Variants in PSME4 observed in about 807,000 individuals in gnomAD.
PSME4 encodes proteasome activator complex subunit 4.
A neutral mutation model predicts 253.9 loss-of-function variants in PSME4; 89 were observed. The observed-to-expected ratio is 0.35, with a 90% confidence interval of 0.30 to 0.42. The LOEUF is 0.42. PSME4 is among the 10% of genes least tolerant of loss of function. The pLI is 1.00. For synonymous variants in PSME4, 851 were observed against 759.2 expected (o/e 1.12, Z -1.99); for missense variants, 2,014 against 2,195.2 (o/e 0.92, Z 1.65).
At position 53,948,410 on chromosome 2, in the gene PSME4, G is replaced by A. The variant is rs2104475748; in HGVS notation, c.500+11C>T. On this transcript the variant is annotated intron_variant, in intron 3 of 46. Transcript: ENST00000404125. ...TACTCCCAAATAAGTGCTTTAAATG[G>A]AAATACTTACTTAGGAAACCAATTT... 1 of 1,547,806 alleles carries A rather than the reference G, an allele frequency of 6.5e-7. No homozygotes were observed. The highest frequency in any genetic ancestry group is 1.7e-5 in the Admixed American group (1 of 59,454).
chr2:53,944,913 T>G (rs1205836523), intron 3 of PSME4, among the ~76,000 whole-genome samples: 2 of 151,940 alleles, frequency 1.3e-5, no homozygotes, highest in African/African-American at 2.4e-5. Flanking sequence ...CAGATTAATA[T>G]GAAAAAAATG....
intron 10 of PSME4, among the ~76,000 whole-genome samples, chr2:53,929,370 C>T (rs1430810114): frequency 6.6e-6 from 1 of 152,140 alleles, no homozygotes; most frequent in East Asian, 1.9e-4. Context: ...CAGCTCACTG[C>T]AGCCTCCACA....
chr2:53,911,214 A>G (rs1253633089), intron 20 of PSME4, among the ~76,000 whole-genome samples: 1 of 152,188 alleles, frequency 6.6e-6, no homozygotes, highest in Non-Finnish European at 1.5e-5. Context: ...GGATAGCAAC[A>G]ATACCTTCTC....
chr2:53,956,339 G>A (rs1403011217), intron 1 of PSME4, among the ~76,000 whole-genome samples: 1 of 151,578 alleles, frequency 6.6e-6, no homozygotes. Context: ...GACCAGCCTC[G>A]TCAACACGGT....
At chr2:53,927,584 T>C in intron 11 of PSME4, 101 bp from the exon 12 acceptor site, 2 of 867,362 alleles carry the variant, frequency 2.3e-6, no homozygotes, top group Non-Finnish European at 3.8e-6. Flanking sequence ...ATTATCTTGA[T>C]CAAAATCCCA....
chr2:53,925,227 C>G (rs1456731710), intron 14 of PSME4, among the ~76,000 whole-genome samples: 1 of 152,150 alleles, frequency 6.6e-6, no homozygotes, highest in Non-Finnish European at 1.5e-5. Context: ...TTAAGTGGAG[C>G]TGGATATAAG....
intron 11 of PSME4, 81 bp from the exon 12 acceptor site, chr2:53,927,564 A>C (rs1322859165): frequency 1.0e-6 from 1 of 976,912 alleles, no homozygotes; most frequent in African/African-American, 1.6e-5. Context: ...ACAATAAATT[A>C]CCCCAATAAA....
At chr2:53,951,087 T>C (rs1669966450) in intron 1 of PSME4, among the ~76,000 whole-genome samples, 1 of 150,992 alleles carries the variant, frequency 6.6e-6, no homozygotes, top group South Asian at 2.1e-4. Context: ...ATTTAACTTC[T>C]TTTTTTTCCC....
chr2:53,888,678 A>T, intron 38 of PSME4, 43 bp downstream of exon 38: 1 of 1,383,764 alleles, frequency 7.2e-7, no homozygotes, highest in Non-Finnish European at 1.0e-6. Context: ...AGTTAACACA[A>T]AACCTTTCGT....
At chr2:53,920,815 A>C (rs940844110) in intron 18 of PSME4, 74 bp downstream of exon 18, 2 of 1,273,446 alleles carry the variant, frequency 1.6e-6, no homozygotes, top group African/African-American at 3.0e-5. Context: ...ATATGCAAGA[A>C]AAAATAACAC....
At chr2:53,867,649 G>A (rs993847066) in intron 44 of PSME4, among the ~76,000 whole-genome samples, 4 of 139,008 alleles carry the variant, frequency 2.9e-5, no homozygotes, top group East Asian at 4.1e-4. Context: ...CAAGGAGGGC[G>A]ATAGAGGAAG....
Position 53,874,450 on chromosome 2 carries a change from G to A in PSME4, c.4989C>T (p.Thr1663=), listed in dbSNP as rs765767817. The A allele has an allele frequency of 1.2e-6, 2 of 1,614,004 alleles. No homozygotes were observed. Among genetic ancestry groups the A allele is most frequent in the Non-Finnish European group, 1.7e-6 (2 of 1,179,924 alleles). ...TATAAAATACCATGGTCTGGAGGTA[G>A]GTCAGTACTGTGTATCGTGCATGCC... is the stretch of plus-strand genomic sequence containing the variant. ...SSWHARYTVL[T]YLQTMVFYNL... Residue 1663 remains threonine, a synonymous_variant, in exon 43 of 47, where the codon ACC becomes ACT. Coordinates refer to ENST00000404125, the MANE Select transcript of PSME4 (RefSeq NM_014614.3).
Position 53,970,632 on chromosome 2 carries a change from C to T in PSME4, c.153G>A (p.Gln51=). The T allele has an allele frequency of 6.5e-7, 1 of 1,550,124 alleles. No individual in the cohort carries two copies. Among genetic ancestry groups the T allele is most frequent in the East Asian group, 2.4e-5 (1 of 40,864 alleles). The part of the protein sequence containing the change: ...AERLDAESDL[Q]LAQIKCNLGR... ...CCAGGTTGCATTTGATCTGGGCCAG[C>T]TGCAAGTCGGACTCGGCGTCTAGCC... The change falls in exon 1 of 47, where the codon CAG becomes CAA. Residue 51 remains glutamine, a synonymous_variant. Coordinates refer to ENST00000404125, the MANE Select transcript of PSME4 (RefSeq NM_014614.3).
At chr2:53,908,634 A>C in intron 22 of PSME4, 69 bp from the exon 23 acceptor site, 1 of 1,510,798 alleles carries the variant, frequency 6.6e-7, no homozygotes, top group South Asian at 1.3e-5. Flanking sequence ...TTGAGGCATT[A>C]GTCAAGAATC....
chr2:53,901,584 G>T, intron 27 of PSME4, 25 bp from the exon 28 acceptor site: 1 of 1,554,970 alleles, frequency 6.4e-7, no homozygotes, highest in Non-Finnish European at 8.8e-7. Context: ...ATATATATAT[G>T]TTTACATGGG....
intron 7 of PSME4, 49 bp from the exon 8 acceptor site, chr2:53,934,776 T>A (rs773583087): frequency 2.8e-6 from 4 of 1,426,636 alleles, no homozygotes; most frequent in Non-Finnish European, 3.9e-6. Context: ...ATCAAAATAA[T>A]TCTTTAGCTT....
intron 7 of PSME4, among the ~76,000 whole-genome samples, 166 bp from the exon 8 acceptor site, chr2:53,934,893 A>G (rs1220736147): frequency 5.3e-5 from 8 of 152,248 alleles, no homozygotes; most frequent in Admixed American, 5.2e-4. Flanking sequence ...TTCAAAAATT[A>G]CATATAAATA....
In PSME4 at chr2:53,908,431, A is replaced by C; in HGVS notation, c.2686-13T>G. 6.2e-7 allele frequency: 1 copy of C among 1,612,686 alleles called. No individual in the cohort carries two copies. Among genetic ancestry groups the C allele is most frequent in the Non-Finnish European group, 8.5e-7 (1 of 1,179,310 alleles). ...GGTCTCCAATAATCTGTGTCAAAGA[A>C]TTTCAAATTGTATTTGCAAGTCATC... On this transcript the variant is annotated splice_polypyrimidine_tract_variant and intron_variant, in intron 23 of 46. Coordinates refer to ENST00000404125, the MANE Select transcript of PSME4 (RefSeq NM_014614.3).
At position 53,895,862 on chromosome 2, in the gene PSME4, G is replaced by C. The variant is rs957235942; in HGVS notation, c.3689-126C>G. 1.4e-5 allele frequency: 12 copies of C among 829,036 alleles called. No individual in the cohort carries two copies. In the African/African-American group the frequency reaches 2.1e-4, roughly 14 times the overall value. 51.4% of individuals were successfully genotyped at this position (829,036 alleles called of 1,614,324 possible). ...AACAACACTACAAAAATAACATTAAGATAACATATATATGAGCAATTGGAG... is the reference window on the plus strand; with the variant it reads ...AACAACACTACAAAAATAACATTAACATAACATATATATGAGCAATTGGAG... On this transcript the variant is annotated intron_variant, in intron 32 of 46. Coordinates refer to ENST00000404125, the MANE Select transcript of PSME4 (RefSeq NM_014614.3).
Sources: allele counts gnomAD v4.1 joint callset (sites outside exome capture counted in the v4.1 genomes callset), GRCh38; gene constraint gnomAD v4.1.1; transcripts MANE v1.5; gene names NCBI Gene and HGNC (gene_info 2026-07-23, HGNC 2026-07-21).